Variants in TTC28 observed in about 807,000 individuals in gnomAD.
The protein encoded by TTC28 is tetratricopeptide repeat domain 28, also known as tetratricopeptide repeat protein 28.
TTC28 carries 61 observed loss-of-function variants against 198.0 expected under a neutral mutation model. That is an observed-to-expected ratio of 0.31 (90% CI 0.25 to 0.38). The LOEUF is 0.38. Ranked by LOEUF, TTC28 falls within the 10% of genes least tolerant of loss-of-function variation. The pLI, the probability that TTC28 is intolerant of heterozygous loss-of-function variation, is 1.00. For missense variants in TTC28, 2,678 were observed against 3,164.0 expected (o/e 0.85, Z 3.69); for synonymous variants, 1,171 against 1,297.8 (o/e 0.90, Z 2.10).
chr22:28,494,077 T>A (rs1601467242), intron 2 of TTC28, among the ~76,000 whole-genome samples: 2 of 152,334 alleles, frequency 1.3e-5, no homozygotes, highest in East Asian at 3.9e-4. Context: ...AAATTACTGT[T>A]AATTATATCT....
At position 28,320,870 on chromosome 22, in the gene TTC28, G is replaced by A. The variant is rs1048895516; in HGVS notation, c.382-14227C>T. Among the ~76,000 whole-genome samples, 3 of 152,304 alleles carry A rather than the reference G, an allele frequency of 2.0e-5. No individual in the cohort carries two copies. In the South Asian group the frequency reaches 6.2e-4, roughly 32 times the overall value. On this transcript the variant is annotated intron_variant, in intron 2 of 22. Coordinates refer to ENST00000397906, the MANE Select transcript of TTC28 (RefSeq NM_001145418.2). ...TGCATGTGCTTTCAGCATACAATAT[G>A]ACAGAAAATAGAAGTGAAAAATAGA...
intron 2 of TTC28, among the ~76,000 whole-genome samples, chr22:28,319,290 G>C (rs1004128931): frequency 5.9e-5 from 9 of 152,096 alleles, no homozygotes; most frequent in African/African-American, 2.2e-4. Context: ...TTACTCACTA[G>C]CAATTGAAGC....
intron 12 of TTC28, among the ~76,000 whole-genome samples, chr22:28,082,214 C>G (rs1941392761): frequency 6.6e-6 from 1 of 152,194 alleles, no homozygotes; most frequent in Non-Finnish European, 1.5e-5. Context: ...GATAATTTCA[C>G]TCTTCCCTTT....
intron 2 of TTC28, among the ~76,000 whole-genome samples, chr22:28,347,641 G>T (rs1043071014): frequency 6.6e-6 from 1 of 152,124 alleles, no homozygotes; most frequent in African/African-American, 2.4e-5. Flanking sequence ...GGAGGCTGAG[G>T]CGGGTGGATC....
chr22:28,336,926 G>C (rs1490032551), intron 2 of TTC28, among the ~76,000 whole-genome samples: 1 of 152,040 alleles, frequency 6.6e-6, no homozygotes, highest in East Asian at 1.9e-4. Context: ...TTTTAATTGT[G>C]ATGTTAGGCT....
At chr22:28,452,423 C>T (rs2047796015) in intron 2 of TTC28, among the ~76,000 whole-genome samples, 1 of 133,426 alleles carries the variant, frequency 7.5e-6, no homozygotes, top group South Asian at 2.5e-4. Context: ...AAAAAAGAGG[C>T]TGTATTTCTC....
chr22:28,601,775 T>TAG, intron 2 of TTC28, among the ~76,000 whole-genome samples: 1 of 63,344 alleles, frequency 1.6e-5, no homozygotes, highest in East Asian at 3.8e-4. Context: ...GAGTAAACCC[T>TAG]AGACACACAC....
chr22:28,051,939 A>C (rs1351012216), intron 12 of TTC28, among the ~76,000 whole-genome samples: 2 of 152,222 alleles, frequency 1.3e-5, no homozygotes, highest in East Asian at 3.9e-4. Flanking sequence ...GGGTCGCCCA[A>C]GTCATCTAGC....
At chr22:28,548,661 T>A (rs2049593936) in intron 2 of TTC28, among the ~76,000 whole-genome samples, 1 of 152,196 alleles carries the variant, frequency 6.6e-6, no homozygotes, top group South Asian at 2.1e-4. Flanking sequence ...ATTCAGCAGA[T>A]CAGTTTGGTG....
At chr22:28,423,133 C>T (rs1354234314) in intron 2 of TTC28, among the ~76,000 whole-genome samples, 1 of 152,142 alleles carries the variant, frequency 6.6e-6, no homozygotes, top group East Asian at 1.9e-4. Context: ...GGCTCACACT[C>T]ATAATCCCAG....
chr22:28,521,248 AT>A (rs1347147846), intron 2 of TTC28, among the ~76,000 whole-genome samples: 1 of 151,942 alleles, frequency 6.6e-6, no homozygotes, highest in African/African-American at 2.4e-5. Flanking sequence ...AAAAAAAAAA[AT>A]TAAAAAAAAT....
chr22:28,612,776 G>C (rs1270145015), intron 2 of TTC28, among the ~76,000 whole-genome samples: 1 of 152,142 alleles, frequency 6.6e-6, no homozygotes, highest in Non-Finnish European at 1.5e-5. Flanking sequence ...GATGTTCTTT[G>C]AAACCAATGA....
chr22:28,192,866 T>C (rs1169722330), intron 5 of TTC28, among the ~76,000 whole-genome samples: 1 of 152,214 alleles, frequency 6.6e-6, no homozygotes, highest in Non-Finnish European at 1.5e-5. Context: ...GAAACCACTC[T>C]GCAGGATATT....
chr22:28,143,000 G>C (rs554795803), intron 6 of TTC28, among the ~76,000 whole-genome samples: 1 of 152,250 alleles, frequency 6.6e-6, no homozygotes, highest in Admixed American at 6.5e-5. Context: ...AACAGCACTT[G>C]GATAGTGGTC....
chr22:28,117,252 T>C (rs1322806907), intron 6 of TTC28, among the ~76,000 whole-genome samples: 1 of 152,232 alleles, frequency 6.6e-6, no homozygotes, highest in Non-Finnish European at 1.5e-5. Context: ...CTTAGATTAG[T>C]GTGTTGCCCC....
intron 8 of TTC28, 69 bp from the exon 9 acceptor site, chr22:28,101,349 A>C (rs1032884704): frequency 1.0e-5 from 13 of 1,277,396 alleles, no homozygotes; most frequent in Non-Finnish European, 1.3e-5. Flanking sequence ...AGGAGTCCTG[A>C]AGGGTCATTT....
At chr22:28,113,795 C>G (rs1942556229) in intron 6 of TTC28, among the ~76,000 whole-genome samples, 1 of 152,140 alleles carries the variant, frequency 6.6e-6, no homozygotes. Flanking sequence ...TGTGGGAGTT[C>G]ATTATACCAT....
At position 27,982,169 on chromosome 22, in the gene TTC28, C is replaced by T. The variant is rs187929142; in HGVS notation, c.*52G>A. 7.9e-4 allele frequency: 1,151 copies of T among 1,448,702 alleles called. 3 individuals are homozygous for T. The highest frequency in any genetic ancestry group is 9.2e-4 in the Non-Finnish European group (1,005 of 1,098,048). The allele number at this position is 1,448,702 out of a possible 1,614,324, so 89.7% of individuals were successfully genotyped here. On this transcript the variant is annotated 3_prime_UTR_variant, in exon 23 of 23. Transcript: ENST00000397906. The surrounding 1 kb of genome is among the most constrained non-coding windows in gnomAD (Gnocchi z 5.2). ...GCACTCAGGGAAGGGCTGAAGCAAA[C>T]GCCAGGCCCCCATCTGCAGGCTGCT...
intron 2 of TTC28, among the ~76,000 whole-genome samples, chr22:28,574,185 T>C (rs2050108108): frequency 1.3e-5 from 2 of 152,140 alleles, no homozygotes; most frequent in African/African-American, 4.8e-5. Context: ...AGCTAACTTT[T>C]GTATTTTTTT....
Sources: gnomAD v4.1 joint callset for allele counts (sites outside exome capture counted in the v4.1 genomes callset) on GRCh38, gnomAD v4.1.1 for gene constraint, Gnocchi (gnomAD v3.1) non-coding constraint, MANE v1.5 for transcripts, NCBI Gene and HGNC (gene_info 2026-07-23, HGNC 2026-07-21) for gene names.